Variants in MEIKIN observed in about 807,000 individuals in gnomAD.
MEIKIN encodes the protein meiosis-specific kinetochore protein.
At chr5:131,842,931 T>C (rs1195941547) in intron 11 of MEIKIN, among the ~76,000 whole-genome samples, 11 of 152,262 alleles carry the variant, frequency 7.2e-5, no homozygotes, top group Admixed American at 7.2e-4. Context: ...AGCAGACTTC[T>C]GCCTGGATGT....
chr5:131,861,380 T>C (rs1459470333), intron 9 of MEIKIN, among the ~76,000 whole-genome samples: 1 of 151,858 alleles, frequency 6.6e-6, no homozygotes, highest in Non-Finnish European at 1.5e-5. Flanking sequence ...AGAGAGAGAC[T>C]CTGTCTTCAA....
intron 8 of MEIKIN, among the ~76,000 whole-genome samples, chr5:131,904,606 A>G (rs1751214155): frequency 6.6e-6 from 1 of 152,232 alleles, no homozygotes; most frequent in South Asian, 2.1e-4. Flanking sequence ...ATCTAGAATC[A>G]GAACTACTAT....
At chr5:131,895,500 T>C (rs1429769057) in intron 8 of MEIKIN, among the ~76,000 whole-genome samples, 1 of 152,208 alleles carries the variant, frequency 6.6e-6, no homozygotes, top group Non-Finnish European at 1.5e-5. Flanking sequence ...AGAATTCAAC[T>C]GGGAATCAGT....
intron 5 of MEIKIN, among the ~76,000 whole-genome samples, chr5:131,924,644 GTT>G (rs1751560553): frequency 6.6e-6 from 1 of 151,936 alleles, no homozygotes. Context: ...ATCTATTCAA[GTT>G]ATTTGTCTAT....
chr5:131,864,068 C>T (rs1306472768), intron 9 of MEIKIN, among the ~76,000 whole-genome samples: 1 of 152,072 alleles, frequency 6.6e-6, no homozygotes, highest in East Asian at 1.9e-4. Flanking sequence ...AGATAAAGTG[C>T]ATTTCTTGTA....
In MEIKIN at chr5:131,931,967, G is replaced by A. The variant is rs540079819; in HGVS notation, c.478+1546C>T. ...TATCCCTATGGCCTAGGTGGGGCTT[G>A]TCACATAGTTGGCTTCACTGTAGGG... On this transcript the variant is annotated intron_variant, in intron 5 of 12. Transcript: ENST00000442687. Among the ~76,000 whole-genome samples, 13 of 152,312 alleles carry A rather than the reference G, an allele frequency of 8.5e-5. No individual in the cohort carries two copies. In the South Asian group the frequency reaches 2.1e-3, roughly 24 times the overall value.
intron 11 of MEIKIN, among the ~76,000 whole-genome samples, chr5:131,823,305 T>C (rs993896314): frequency 6.6e-6 from 1 of 152,152 alleles, no homozygotes; most frequent in African/African-American, 2.4e-5. Context: ...TACCTCCTCT[T>C]TAAGACCAAT....
intron 11 of MEIKIN, among the ~76,000 whole-genome samples, chr5:131,830,820 C>T (rs867903913): frequency 6.6e-6 from 1 of 151,826 alleles, no homozygotes; most frequent in Non-Finnish European, 1.5e-5. Context: ...GGGTGGAAGC[C>T]CAAGAAAATG....
chr5:131,812,761 T>C (rs571210281), intron 12 of MEIKIN, among the ~76,000 whole-genome samples: 20 of 152,350 alleles, frequency 1.3e-4, no homozygotes, highest in Non-Finnish European at 1.8e-4. Context: ...CCAACGGTGC[T>C]TGTAGTGTTA....
chr5:131,850,812 T>C (rs551381637), intron 11 of MEIKIN, among the ~76,000 whole-genome samples: 1 of 152,028 alleles, frequency 6.6e-6, no homozygotes, highest in Non-Finnish European at 1.5e-5. Context: ...TGGTGGTGTA[T>C]GCCTGCAGTC....
chr5:131,864,203 CTTAA>C (rs763918761), intron 9 of MEIKIN, among the ~76,000 whole-genome samples: 1 of 152,082 alleles, frequency 6.6e-6, no homozygotes, highest in Non-Finnish European at 1.5e-5. Context: ...CTGTTATATT[CTTAA>C]TTGTTTTCTG....
intron 9 of MEIKIN, among the ~76,000 whole-genome samples, chr5:131,873,813 T>C (rs1369298596): frequency 6.6e-6 from 1 of 152,132 alleles, no homozygotes. Flanking sequence ...CACAGTGCAA[T>C]CAAACTAGAA....
chr5:131,909,360 T>C (rs1372830786), intron 8 of MEIKIN, among the ~76,000 whole-genome samples: 1 of 152,088 alleles, frequency 6.6e-6, no homozygotes, highest in Non-Finnish European at 1.5e-5. Flanking sequence ...ACTGGATAGC[T>C]ACATGAAAAA....
At chr5:131,931,658 A>C (rs1751695824) in intron 5 of MEIKIN, among the ~76,000 whole-genome samples, 1 of 152,080 alleles carries the variant, frequency 6.6e-6, no homozygotes, top group African/African-American at 2.4e-5. Context: ...AAATTTTCCT[A>C]CTGGCTTTGA....
intron 8 of MEIKIN, among the ~76,000 whole-genome samples, chr5:131,882,462 C>T (rs377351683): frequency 6.6e-6 from 1 of 152,080 alleles, no homozygotes; most frequent in African/African-American, 2.4e-5. Context: ...ACAGTAGTTT[C>T]TCAGATTTAT....
At chr5:131,850,664 C>T (rs376538390) in intron 11 of MEIKIN, among the ~76,000 whole-genome samples, 3 of 151,974 alleles carry the variant, frequency 2.0e-5, no homozygotes, top group African/African-American at 4.8e-5. Context: ...ATACTATACA[C>T]AAAAATTAAC....
rs1751893260 is a variant in MEIKIN at position 131,942,673 on chromosome 5, T to C, written c.311A>G (p.Gln104Arg). 2.5e-6 allele frequency: 1 copy of C among 398,426 alleles called. No homozygotes were observed. The highest frequency in any genetic ancestry group is 1.3e-4 in the South Asian group (1 of 7,858). 24.7% of individuals were successfully genotyped at this position (398,426 alleles called of 1,614,324 possible). ...ACTATTTGATGAACTACTATCAACC[T>C]GGAGGTCATCAGTAACTGATTCCTA... is the stretch of plus-strand genomic sequence containing the variant. ...SLRESVTDDL[Q>R]VDSSSSNSEL... Residue 104 changes from glutamine (Q) to arginine (R), a missense_variant, in exon 4 of 13, where the codon CAG becomes CGG. Coordinates refer to ENST00000442687, the MANE Select transcript of MEIKIN (RefSeq NM_001303622.2).
At chr5:131,893,889 G>A (rs1057095214) in intron 8 of MEIKIN, among the ~76,000 whole-genome samples, 1 of 152,148 alleles carries the variant, frequency 6.6e-6, no homozygotes, top group Admixed American at 6.5e-5. Flanking sequence ...CTGTGCAGGA[G>A]ATCTTTAGTT....
At chr5:131,807,334 G>T (rs1048624055) in intron 12 of MEIKIN, 76 bp from the exon 13 acceptor site, 3 of 397,060 alleles carry the variant, frequency 7.6e-6, no homozygotes, top group Non-Finnish European at 1.3e-5. Context: ...CCAGTCTGCA[G>T]GGGAGAGAGC....
Sources: allele counts gnomAD v4.1 joint callset (sites outside exome capture counted in the v4.1 genomes callset), GRCh38; gene constraint gnomAD v4.1.1; transcripts MANE v1.5; gene names NCBI Gene and HGNC (gene_info 2026-07-23, HGNC 2026-07-21).